The following CFAP299 variants were observed in gnomAD, a reference collection of about 807,000 sequenced individuals.
CFAP299 encodes the protein cilia and flagella associated protein 299, also known as cilia- and flagella-associated protein 299.
CFAP299 carries 21 observed loss-of-function variants against 27.0 expected under a neutral mutation model. That is an observed-to-expected ratio of 0.78 (90% CI 0.55 to 1.12). The LOEUF (loss-of-function observed/expected upper bound fraction) is 1.12, where lower values mean the gene tolerates loss of function less well. Among genes scored for constraint, CFAP299 ranks in the 50% most tolerant of loss-of-function variants. CFAP299 has a pLI of 0.00. For missense variants in CFAP299, 310 were observed against 276.6 expected (o/e 1.12, Z -0.86); for synonymous variants, 104 against 98.1 (o/e 1.06, Z -0.36).
At position 80,387,357 on chromosome 4, in the gene CFAP299, T is replaced by C; in HGVS notation, c.242+24473T>C. Reference sequence around the variant, plus strand: ...ACCACACATTTGTACACCTGCTCGTTCTTATGCTGGGTCATGTGAGACTTG... The same window carrying C: ...ACCACACATTTGTACACCTGCTCGTCCTTATGCTGGGTCATGTGAGACTTG... On this transcript the variant is annotated intron_variant, in intron 2 of 5. Transcript: ENST00000358105. The C allele has an allele frequency of 2.1e-6, 3 of 1,402,584 alleles. No individual in the cohort carries two copies. In the South Asian group the frequency reaches 3.5e-5, roughly 16 times the overall value. 86.9% of individuals were successfully genotyped at this position (1,402,584 alleles called of 1,614,324 possible).
chr4:80,951,167 A>G (rs187112539), intron 5 of CFAP299, among the ~76,000 whole-genome samples: 1 of 152,338 alleles, frequency 6.6e-6, no homozygotes, highest in Admixed American at 6.5e-5. Context: ...AGTAGAGTAC[A>G]TCTTGAATAT....
intron 3 of CFAP299, among the ~76,000 whole-genome samples, chr4:80,778,731 C>T (rs559381335): frequency 4.3e-4 from 65 of 152,162 alleles, no homozygotes; most frequent in African/African-American, 1.5e-3. Flanking sequence ...AAAAACTAAA[C>T]TTTTTATTTT....
At chr4:80,529,787 G>T (rs1733378949) in intron 2 of CFAP299, among the ~76,000 whole-genome samples, 1 of 151,770 alleles carries the variant, frequency 6.6e-6, no homozygotes, top group Middle Eastern at 3.2e-3. Flanking sequence ...GCAAGGAAAA[G>T]GTAGTCAGAG....
chr4:80,653,367 T>G (rs900859489), intron 3 of CFAP299, among the ~76,000 whole-genome samples: 9 of 151,848 alleles, frequency 5.9e-5, no homozygotes, highest in Non-Finnish European at 1.2e-4. Context: ...GTTTAGGGCT[T>G]CATTTTTACT....
intron 3 of CFAP299, among the ~76,000 whole-genome samples, chr4:80,799,994 T>C (rs1255933946): frequency 1.7e-5 from 1 of 58,172 alleles, no homozygotes; most frequent in African/African-American, 7.3e-5. Context: ...ATGTAATATA[T>C]ATTATGATAT....
intron 3 of CFAP299, among the ~76,000 whole-genome samples, chr4:80,636,003 G>A (rs1739452101): frequency 1.3e-5 from 2 of 152,180 alleles, no homozygotes; most frequent in Non-Finnish European, 2.9e-5. Flanking sequence ...AAAAGGAAAT[G>A]TACATTGAAA....
At chr4:80,877,120 T>C (rs924051300) in intron 4 of CFAP299, among the ~76,000 whole-genome samples, 5 of 152,188 alleles carry the variant, frequency 3.3e-5, no homozygotes, top group Admixed American at 3.3e-4. Flanking sequence ...AGGGAAACAT[T>C]GGCCCTGACT....
intron 3 of CFAP299, among the ~76,000 whole-genome samples, chr4:80,741,119 C>T (rs1201769007): frequency 6.6e-6 from 1 of 152,172 alleles, no homozygotes; most frequent in Non-Finnish European, 1.5e-5. Context: ...AGGAGTCTCT[C>T]ACTGCAGCCA....
At chr4:80,700,559 T>C (rs1721410893) in intron 3 of CFAP299, among the ~76,000 whole-genome samples, 1 of 152,056 alleles carries the variant, frequency 6.6e-6, no homozygotes. Flanking sequence ...TACAGCAAGC[T>C]ATAACTGGAG....
chr4:80,692,318 A>G (rs1720768922), intron 3 of CFAP299, among the ~76,000 whole-genome samples: 1 of 152,168 alleles, frequency 6.6e-6, no homozygotes, highest in South Asian at 2.1e-4. Context: ...CAGTAACCAA[A>G]ACAGCATGGT....
chr4:80,589,820 A>T (rs1736631980), intron 3 of CFAP299, among the ~76,000 whole-genome samples: 1 of 152,228 alleles, frequency 6.6e-6, no homozygotes, highest in Non-Finnish European at 1.5e-5. Context: ...GATGTGAAGT[A>T]AGAAACCATG....
chr4:80,434,339 T>C (rs1727962181), intron 2 of CFAP299, among the ~76,000 whole-genome samples: 1 of 152,224 alleles, frequency 6.6e-6, no homozygotes, highest in Admixed American at 6.5e-5. Flanking sequence ...TAGCAGGACC[T>C]GTTGCTATGG....
chr4:80,801,185 GTT>G (rs549514004), intron 3 of CFAP299, among the ~76,000 whole-genome samples: 28 of 140,390 alleles, frequency 2.0e-4, no homozygotes, highest in African/African-American at 3.9e-4. Flanking sequence ...TCACACTATG[GTT>G]TTTTTTTTTT....
intron 4 of CFAP299, among the ~76,000 whole-genome samples, chr4:80,922,720 G>A (rs1314237737): frequency 6.6e-6 from 1 of 151,312 alleles, no homozygotes; most frequent in Non-Finnish European, 1.5e-5. Context: ...TACTCATTGT[G>A]GAAAATATGT....
At chr4:80,397,184 T>TTATCTGATGGTAGTTTG (rs1160532852) in intron 2 of CFAP299, among the ~76,000 whole-genome samples, 1 of 152,158 alleles carries the variant, frequency 6.6e-6, no homozygotes, top group African/African-American at 2.4e-5. Context: ...GTTTATAGTA[T>TTATCTGATGGTAGTTTG]TATCTGATGG....
chr4:80,713,807 G>A (rs1210225359), intron 3 of CFAP299, among the ~76,000 whole-genome samples: 1 of 152,078 alleles, frequency 6.6e-6, no homozygotes, highest in African/African-American at 2.4e-5. Flanking sequence ...TAAAGTAATG[G>A]CCTTCAGAAT....
In CFAP299 at chr4:80,565,451, T is replaced by TA. The variant is rs1474233643; in HGVS notation, c.243-17642_243-17641insA. ...AAAAGCAATATGACTAATTCTTTTT[T>TA]TAAAAAACGATCTATGTAGAAGGAA... On this transcript the variant is annotated intron_variant, in intron 2 of 5. Coordinates refer to ENST00000358105, the MANE Select transcript of CFAP299 (RefSeq NM_152770.3). 4.6e-5 allele frequency among the ~76,000 whole-genome samples: 7 copies of TA among 152,012 alleles called. No individual in the cohort carries two copies. In the East Asian group the frequency reaches 1.2e-3, roughly 25 times the overall value.
At chr4:80,374,481 G>T (rs1435935017) in intron 2 of CFAP299, among the ~76,000 whole-genome samples, 2 of 152,122 alleles carry the variant, frequency 1.3e-5, no homozygotes, top group Non-Finnish European at 2.9e-5. Context: ...AGTTGTGGGG[G>T]TTTGCTAGCT....
chr4:80,630,128 C>T (rs374174228), intron 3 of CFAP299, among the ~76,000 whole-genome samples: 3 of 152,164 alleles, frequency 2.0e-5, no homozygotes, highest in South Asian at 2.1e-4. Flanking sequence ...GAATCCTCCA[C>T]GGGATAATGA....
Sources: allele counts gnomAD v4.1 joint callset (sites outside exome capture counted in the v4.1 genomes callset), GRCh38; gene constraint gnomAD v4.1.1; transcripts MANE v1.5; gene names NCBI Gene and HGNC (gene_info 2026-07-23, HGNC 2026-07-21).